Variants in VAV3 observed in about 807,000 individuals in gnomAD.
VAV3 encodes the protein vav guanine nucleotide exchange factor 3, also known as guanine nucleotide exchange factor VAV3.
In VAV3, 94 loss-of-function variants were observed where a neutral mutation model predicts 131.2. The observed-to-expected ratio is 0.72, with a 90% CI of 0.61 to 0.85. The LOEUF is 0.85. Ranked by LOEUF, VAV3 falls within the 40% of genes least tolerant of loss-of-function variation. The pLI, the probability that VAV3 is intolerant of heterozygous loss-of-function variation, is 0.00. For synonymous variants in VAV3, 349 were observed against 342.0 expected (o/e 1.02, Z -0.22); for missense variants, 939 against 1,002.7 (o/e 0.94, Z 0.86).
At chr1:107,897,996 A>G (rs1242851412) in intron 1 of VAV3, among the ~76,000 whole-genome samples, 2 of 152,022 alleles carry the variant, frequency 1.3e-5, no homozygotes, top group Non-Finnish European at 2.9e-5. Context: ...GAGTATGAAA[A>G]CCCTTACCTA....
At chr1:107,820,537 C>A (rs1341464974) in intron 2 of VAV3, among the ~76,000 whole-genome samples, 2 of 151,730 alleles carry the variant, frequency 1.3e-5, no homozygotes, top group Non-Finnish European at 2.9e-5. Context: ...TGAATAAGAT[C>A]TAGTATTTGA....
intron 6 of VAV3, 116 bp downstream of exon 6, chr1:107,770,520 C>T (rs1664982467): frequency 1.4e-6 from 1 of 722,088 alleles, no homozygotes; most frequent in Non-Finnish European, 2.4e-6. Context: ...TCTTTAAGTA[C>T]AAAGTTCTCC....
chr1:107,625,287 C>T (rs1462234267), intron 20 of VAV3, among the ~76,000 whole-genome samples: 1 of 147,850 alleles, frequency 6.8e-6, no homozygotes, highest in African/African-American at 2.5e-5. Flanking sequence ...GGGACGGCAT[C>T]TCACTCTGCT....
intron 20 of VAV3, among the ~76,000 whole-genome samples, chr1:107,624,243 G>A (rs2101298847): frequency 6.6e-6 from 1 of 152,286 alleles, no homozygotes; most frequent in South Asian, 2.1e-4. Flanking sequence ...ACTCAAAAAT[G>A]TATTTGGTGA....
chr1:107,947,585 A>G (rs910221554), intron 1 of VAV3, among the ~76,000 whole-genome samples: 111 of 152,298 alleles, frequency 7.3e-4, no homozygotes, highest in African/African-American at 2.5e-3. Flanking sequence ...TCCCCACTCC[A>G]TAAGAAAGAA....
At chr1:107,801,045 T>C (rs887649141) in intron 2 of VAV3, among the ~76,000 whole-genome samples, 6 of 152,260 alleles carry the variant, frequency 3.9e-5, no homozygotes, top group African/African-American at 1.4e-4. Context: ...GGTTATCCAG[T>C]TTTCCCAGTA....
At chr1:107,799,352 A>G (rs970406489) in intron 2 of VAV3, among the ~76,000 whole-genome samples, 4 of 151,918 alleles carry the variant, frequency 2.6e-5, no homozygotes, top group African/African-American at 9.7e-5. Flanking sequence ...ACGTAGAAAA[A>G]ATATCTAAAA....
chr1:107,584,130 A>G (rs2101021145), intron 25 of VAV3, among the ~76,000 whole-genome samples: 1 of 152,334 alleles, frequency 6.6e-6, no homozygotes, highest in South Asian at 2.1e-4. Context: ...GATCTTTGAC[A>G]AACCTGACAA....
At chr1:107,586,139 GT>G (rs61276973) in intron 25 of VAV3, among the ~76,000 whole-genome samples, 16,478 of 145,492 alleles carry the variant, frequency 0.11, 1,056 homozygotes, top group African/African-American at 0.18. Flanking sequence ...CCTTGGCATA[GT>G]TTTTTTTTTT....
chr1:107,897,100 G>C (rs780522942), intron 1 of VAV3: 1 of 152,090 alleles, frequency 6.6e-6, no homozygotes, highest in Non-Finnish European at 1.5e-5. Context: ...CCTGCCATAA[G>C]TGCTAAAGAC....
intron 15 of VAV3, among the ~76,000 whole-genome samples, chr1:107,728,605 A>ACG (rs758191159): frequency 0.074 from 7,281 of 98,572 alleles, 557 homozygotes; most frequent in African/African-American, 0.19. Flanking sequence ...GTATACGTAT[A>ACG]TGTATATGTA....
Position 107,836,945 on chromosome 1 carries a change from T to C in VAV3, c.321+37956A>G, listed in dbSNP as rs145245330. 9.7e-3 allele frequency among the ~76,000 whole-genome samples: 1,468 copies of C among 151,270 alleles called. 10 individuals carry two copies. Among genetic ancestry groups the C allele is most frequent in the South Asian group, 0.03 (146 of 4,796 alleles). On this transcript the variant is annotated intron_variant, in intron 2 of 26. Coordinates refer to ENST00000370056, the MANE Select transcript of VAV3 (RefSeq NM_006113.5). ...AAACCTACCAACAAAAAAAAACAGG[T>C]GGATTCACAGCCAAATTCTTCCTGA...
intron 15 of VAV3, among the ~76,000 whole-genome samples, chr1:107,725,951 G>T (rs1661813977): frequency 6.6e-6 from 1 of 152,072 alleles, no homozygotes; most frequent in Admixed American, 6.5e-5. Flanking sequence ...ATACTGTCCT[G>T]GGTAGTGGGT....
chr1:107,857,671 C>A (rs557287777), intron 2 of VAV3, among the ~76,000 whole-genome samples: 1 of 151,924 alleles, frequency 6.6e-6, no homozygotes, highest in African/African-American at 2.4e-5. Context: ...TGTAACAAAA[C>A]TAAAAGCTTT....
At chr1:107,630,228 A>G (rs1557716748) in intron 20 of VAV3, among the ~76,000 whole-genome samples, 1 of 152,172 alleles carries the variant, frequency 6.6e-6, no homozygotes, top group East Asian at 1.9e-4. Flanking sequence ...CCTCCAGGTT[A>G]GAAACGGGTT....
intron 15 of VAV3, among the ~76,000 whole-genome samples, chr1:107,722,707 T>G (rs1661571003): frequency 6.6e-6 from 1 of 152,114 alleles, no homozygotes; most frequent in Non-Finnish European, 1.5e-5. Flanking sequence ...GAGGTGAGGT[T>G]CTATGATGAA....
intron 2 of VAV3, among the ~76,000 whole-genome samples, chr1:107,842,426 T>C: frequency 6.6e-6 from 1 of 152,214 alleles, no homozygotes; most frequent in East Asian, 1.9e-4. Context: ...ATCATTTTGT[T>C]TCAGGTGTGT....
chr1:107,824,615 T>C (rs1309973419), intron 2 of VAV3, among the ~76,000 whole-genome samples: 1 of 152,184 alleles, frequency 6.6e-6, no homozygotes, highest in Admixed American at 6.5e-5. Context: ...TCTATATCTG[T>C]ACTTCCAGCA....
At chr1:107,632,679 A>C (rs1557719038) in intron 20 of VAV3, among the ~76,000 whole-genome samples, 1 of 152,236 alleles carries the variant, frequency 6.6e-6, no homozygotes. Flanking sequence ...TCTTCTAAAG[A>C]CAGGAGACCT....
Sources: gnomAD v4.1 joint callset for allele counts (sites outside exome capture counted in the v4.1 genomes callset) on GRCh38, gnomAD v4.1.1 for gene constraint, MANE v1.5 for transcripts, NCBI Gene and HGNC (gene_info 2026-07-23, HGNC 2026-07-21) for gene names.